Variants in SIK3 observed in about 807,000 individuals in gnomAD.
SIK3 encodes the protein SIK family kinase 3, also known as serine/threonine-protein kinase SIK3.
A neutral mutation model predicts 144.2 loss-of-function variants in SIK3; 28 were observed. That is an observed-to-expected ratio of 0.19 (90% CI 0.14 to 0.27). The LOEUF is 0.27. Among genes scored for constraint, SIK3 ranks in the 10% least tolerant of loss-of-function variants. SIK3 has a pLI of 1.00. For missense variants in SIK3, 1,319 were observed against 1,776.0 expected, an observed-to-expected ratio of 0.74 and a Z score of 4.62; for synonymous variants, 686 against 676.3, an observed-to-expected ratio of 1.01 and a Z score of -0.22.
At chr11:116,869,838 A>G (rs1943870528) in intron 14 of SIK3, 19 of 286,064 alleles carry the variant, frequency 6.6e-5, no homozygotes, top group South Asian at 4.3e-4. Flanking sequence ...CTCTTTTTCA[A>G]TATCTCTTTG....
chr11:117,013,697 TA>T (rs527997338), intron 1 of SIK3, among the ~76,000 whole-genome samples: 18 of 148,232 alleles, frequency 1.2e-4, no homozygotes, highest in Admixed American at 1.4e-4. Flanking sequence ...CTTTTAGCTT[TA>T]AAAAAAAAAT....
chr11:116,976,123 T>C (rs1949939427), intron 1 of SIK3, among the ~76,000 whole-genome samples: 1 of 152,260 alleles, frequency 6.6e-6, no homozygotes. Flanking sequence ...TTATCAGATG[T>C]ACGATTTGCA....
rs532538923 is a variant in SIK3, at chr11:117,046,991, T to C, written c.273+51152A>G. Among the ~76,000 whole-genome samples, 7 of 152,308 alleles carry C rather than the reference T, an allele frequency of 4.6e-5. No homozygotes were observed. In the East Asian group the frequency reaches 1.3e-3, roughly 29 times the overall value. ...TATATTTTAAAACTGTAACAGAATC[T>C]TTTTTTCCTATATAAAATGCTATGC... is the stretch of plus-strand genomic sequence containing the variant. On this transcript the variant is annotated intron_variant, in intron 1 of 24. Transcript: ENST00000445177.
intron 6 of SIK3, among the ~76,000 whole-genome samples, chr11:116,894,550 C>T (rs879484176): frequency 1.3e-5 from 2 of 152,216 alleles, no homozygotes; most frequent in Admixed American, 1.3e-4. Context: ...AAATCCAACA[C>T]TAAATGTTAT....
intron 1 of SIK3, among the ~76,000 whole-genome samples, chr11:117,097,022 A>G (rs1290014433): frequency 6.6e-6 from 1 of 152,196 alleles, no homozygotes; most frequent in Non-Finnish European, 1.5e-5. Context: ...CAAGTAAGAT[A>G]TTGAGCAAAG....
At chr11:116,927,626 A>T (rs956995133) in intron 3 of SIK3, among the ~76,000 whole-genome samples, 2 of 152,240 alleles carry the variant, frequency 1.3e-5, no homozygotes, top group African/African-American at 4.8e-5. Flanking sequence ...TTGTACTTTC[A>T]TTAGGAAAAG....
In SIK3 at chr11:116,908,953, A is replaced by C. The variant is rs73006507; in HGVS notation, c.617-11636T>G. On this transcript the variant is annotated intron_variant, in intron 4 of 24. Transcript: ENST00000445177. ...GAGTATACCAGGATAAATGTTTAGG[A>C]ATGTTCGTTGCAGCTGTTAGTAAGT... 1.5e-3 allele frequency among the ~76,000 whole-genome samples: 235 copies of C among 152,358 alleles called. 2 individuals are homozygous for C. Among genetic ancestry groups the C allele is most frequent in the Non-Finnish European group, 1.8e-3 (124 of 68,030 alleles).
At chr11:116,891,323 A>G (rs1485051535) in intron 6 of SIK3, among the ~76,000 whole-genome samples, 4 of 152,180 alleles carry the variant, frequency 2.6e-5, no homozygotes, top group Admixed American at 2.0e-4. Context: ...TCTCAAAAAA[A>G]AGTCTTTTGT....
At chr11:116,974,417 C>T (rs1178438540) in intron 1 of SIK3, among the ~76,000 whole-genome samples, 2 of 151,968 alleles carry the variant, frequency 1.3e-5, no homozygotes, top group African/African-American at 2.4e-5. Context: ...CCCTTTTTTT[C>T]CCCCTTTTGA....
chr11:116,925,989 G>A (rs971999501), intron 4 of SIK3, among the ~76,000 whole-genome samples: 2 of 152,166 alleles, frequency 1.3e-5, no homozygotes, highest in Non-Finnish European at 2.9e-5. Context: ...GCTCCAGGAT[G>A]TAAAAGTGAA....
chr11:116,886,545 T>C (rs939570544), intron 6 of SIK3, among the ~76,000 whole-genome samples: 2 of 152,230 alleles, frequency 1.3e-5, no homozygotes, highest in Non-Finnish European at 2.9e-5. Flanking sequence ...AAAATGCTCA[T>C]GCAGTATTAC....
rs1952131583 is a variant in SIK3 at position 117,028,768 on chromosome 11, G to A, written c.273+69375C>T. Among the ~76,000 whole-genome samples the A allele has an allele frequency of 2.0e-5, 3 of 152,162 alleles. 1 individual carries two copies. The highest frequency in any genetic ancestry group is 4.1e-4 in the South Asian group (2 of 4,830). On this transcript the variant is annotated intron_variant, in intron 1 of 24. Transcript: ENST00000445177. ...AATCATGAAAGTAGCCTGGAGGAAGGAAATCAAGACCAGGCTCATGGGTGC... is the reference window on the plus strand; with the variant it reads ...AATCATGAAAGTAGCCTGGAGGAAGAAAATCAAGACCAGGCTCATGGGTGC...
intron 21 of SIK3, among the ~76,000 whole-genome samples, chr11:116,850,093 T>C (rs892412398): frequency 6.6e-6 from 1 of 152,232 alleles, no homozygotes; most frequent in Non-Finnish European, 1.5e-5. Context: ...GATTCCTTAC[T>C]CCTGGTGCTG....
chr11:117,018,294 T>A (rs1212024143), intron 1 of SIK3, among the ~76,000 whole-genome samples: 1 of 152,206 alleles, frequency 6.6e-6, no homozygotes, highest in African/African-American at 2.4e-5. Flanking sequence ...CAGATACCAC[T>A]GTTTTGATCA....
At chr11:116,897,363 T>C in intron 4 of SIK3, 46 bp from the exon 5 acceptor site, 1 of 1,561,714 alleles carries the variant, frequency 6.4e-7, no homozygotes, top group Non-Finnish European at 8.8e-7. Flanking sequence ...AACCTTTTAT[T>C]ATAACTGAGC....
chr11:116,875,335 A>G, intron 10 of SIK3, 39 bp downstream of exon 10: 1 of 1,613,528 alleles, frequency 6.2e-7, no homozygotes, highest in Non-Finnish European at 8.5e-7. Flanking sequence ...TGGCAAAGAA[A>G]GTGGTTTCAG....
chr11:116,859,537 C>T lies in SIK3; in HGVS notation c.2493G>A (p.Glu831=). 6 of 1,614,186 alleles carry T rather than the reference C, an allele frequency of 3.7e-6. No individual in the cohort carries two copies. The highest frequency in any genetic ancestry group is 5.1e-6 in the Non-Finnish European group (6 of 1,180,046). ...CCACGTTGGGAGGAGAGGAACAGTT[C>T]TCAGGTTGCTGCTGAAAGATTGCAC... The part of the protein sequence containing the change: ...SRSAIFQQQP[E]NCSSPPNVAL... The change falls in exon 20 of 25, where the codon GAG becomes GAA. Residue 831 remains glutamate, a synonymous_variant. Coordinates refer to ENST00000445177, the MANE Select transcript of SIK3 (RefSeq NM_001366686.3).
intron 14 of SIK3, chr11:116,869,793 A>G (rs1362219987): frequency 3.7e-6 from 1 of 272,904 alleles, no homozygotes; most frequent in African/African-American, 2.2e-5. Context: ...TAAACAATGG[A>G]TATTTGCATC....
At chr11:117,057,630 C>CA (rs1953597735) in intron 1 of SIK3, among the ~76,000 whole-genome samples, 2 of 152,132 alleles carry the variant, frequency 1.3e-5, no homozygotes, top group African/African-American at 2.4e-5. Context: ...TAGGCATTAA[C>CA]AAAAAACATT....
Sources: allele counts gnomAD v4.1 joint callset (sites outside exome capture counted in the v4.1 genomes callset), GRCh38; gene constraint gnomAD v4.1.1; transcripts MANE v1.5; gene names NCBI Gene and HGNC (gene_info 2026-07-23, HGNC 2026-07-21).